Variants in GLRA3 observed in about 807,000 individuals in gnomAD.
GLRA3 encodes glycine receptor alpha 3, also known as glycine receptor subunit alpha-3.
In GLRA3, 44 loss-of-function variants were observed where a neutral mutation model predicts 60.4. The ratio of observed to expected loss-of-function variants is 0.73; its 90% confidence interval spans 0.57 to 0.94. GLRA3 has a LOEUF of 0.94. GLRA3 is among the 40% of genes least tolerant of loss of function. GLRA3 has a pLI of 0.00. For missense variants in GLRA3, 508 were observed against 564.6 expected (o/e 0.90, Z 1.02); for synonymous variants, 223 against 192.9 (o/e 1.16, Z -1.29).
At chr4:174,798,811 CT>C (rs1239408243) in intron 1 of GLRA3, among the ~76,000 whole-genome samples, 5 of 152,058 alleles carry the variant, frequency 3.3e-5, no homozygotes, top group African/African-American at 4.8e-5. Context: ...GTAGTCCCAG[CT>C]ACTCGGGAGG....
intron 1 of GLRA3, among the ~76,000 whole-genome samples, chr4:174,803,240 C>T (rs1739896556): frequency 1.3e-5 from 2 of 151,942 alleles, no homozygotes; most frequent in African/African-American, 2.4e-5. Flanking sequence ...TGTCTCTTCT[C>T]GTGGGTAATA....
intron 5 of GLRA3, among the ~76,000 whole-genome samples, chr4:174,708,044 G>C (rs1299621905): frequency 6.6e-6 from 1 of 152,114 alleles, no homozygotes; most frequent in Non-Finnish European, 1.5e-5. Context: ...GAGGACTTCT[G>C]TTTTCTAGCT....
chr4:174,685,807 C>T (rs1734535234), intron 5 of GLRA3, among the ~76,000 whole-genome samples: 1 of 152,026 alleles, frequency 6.6e-6, no homozygotes, highest in Non-Finnish European at 1.5e-5. Flanking sequence ...CCAGATAAGA[C>T]ATGTTTCTCA....
At position 174,710,145 on chromosome 4, in the gene GLRA3, C is replaced by A. The variant is rs138995671; in HGVS notation, c.574+5343G>T. Among the ~76,000 whole-genome samples the A allele has an allele frequency of 8.8e-4, 134 of 152,016 alleles. 1 individual carries two copies. Among genetic ancestry groups the A allele is most frequent in the Non-Finnish European group, 1.6e-3 (110 of 67,888 alleles). The stretch of plus-strand genomic sequence containing the variant: ...ACTTGATGATGCTGTCTTTCTCTGG[C>A]TCTCTTTTGGTGGTCGTTTTCTATG... On this transcript the variant is annotated intron_variant, in intron 5 of 9. Coordinates refer to ENST00000274093, the MANE Select transcript of GLRA3 (RefSeq NM_006529.4).
chr4:174,674,816 C>G (rs2110945666), intron 7 of GLRA3, among the ~76,000 whole-genome samples: 1 of 152,244 alleles, frequency 6.6e-6, no homozygotes, highest in Middle Eastern at 3.4e-3. Context: ...AGATTGAGAA[C>G]AGAAGATCTT....
chr4:174,724,297 C>T (rs1312400554), intron 4 of GLRA3, among the ~76,000 whole-genome samples: 1 of 151,748 alleles, frequency 6.6e-6, no homozygotes, highest in East Asian at 1.9e-4. Flanking sequence ...TGTACACATA[C>T]ATATGTAATT....
In GLRA3 at chr4:174,711,349, T is replaced by C. The variant is rs1489015648; in HGVS notation, c.574+4139A>G. ...TGTACAATCCAGTAAATTGTTGATT[T>C]ATCTGTTTTTTATGCAGTTCATCCT... On this transcript the variant is annotated intron_variant, in intron 5 of 9. Coordinates refer to ENST00000274093, the MANE Select transcript of GLRA3 (RefSeq NM_006529.4). Among the ~76,000 whole-genome samples, 3 of 151,364 alleles carry C rather than the reference T, an allele frequency of 2.0e-5. No homozygotes were observed. The East Asian group carries it at 5.8e-4, about 29-fold the overall frequency.
intron 1 of GLRA3, among the ~76,000 whole-genome samples, chr4:174,827,787 A>G (rs1741037492): frequency 6.6e-6 from 1 of 152,092 alleles, no homozygotes; most frequent in African/African-American, 2.4e-5. Flanking sequence ...AAAAATCGAC[A>G]TAGCAATAAA....
intron 3 of GLRA3, among the ~76,000 whole-genome samples, chr4:174,758,942 G>T (rs924505429): frequency 2.6e-5 from 4 of 152,074 alleles, no homozygotes; most frequent in Non-Finnish European, 5.9e-5. Flanking sequence ...ATGGATTAGA[G>T]CACTTAATAC....
intron 6 of GLRA3, among the ~76,000 whole-genome samples, chr4:174,679,770 A>G (rs1734272236): frequency 6.6e-6 from 1 of 152,218 alleles, no homozygotes; most frequent in South Asian, 2.1e-4. Context: ...GCATAGAAAG[A>G]CAATATCACA....
chr4:174,707,304 G>T (rs1326762028), intron 5 of GLRA3, among the ~76,000 whole-genome samples: 1 of 152,098 alleles, frequency 6.6e-6, no homozygotes, highest in African/African-American at 2.4e-5. Context: ...TAGAATTATG[G>T]ACTAAAACTA....
intron 5 of GLRA3, among the ~76,000 whole-genome samples, chr4:174,696,008 A>T (rs1013061630): frequency 2.0e-5 from 3 of 152,142 alleles, no homozygotes; most frequent in Admixed American, 6.5e-5. Flanking sequence ...AAATAATAAA[A>T]TAATAAAATA....
At chr4:174,767,109 T>C (rs759461819) in intron 2 of GLRA3, 79 bp from the exon 3 acceptor site, 20 of 746,114 alleles carry the variant, frequency 2.7e-5, no homozygotes, top group Non-Finnish European at 3.6e-5. Context: ...CATTCCATTA[T>C]TATTATTCCA....
intron 5 of GLRA3, among the ~76,000 whole-genome samples, chr4:174,703,206 T>C (rs1561065965): frequency 6.6e-6 from 1 of 152,168 alleles, no homozygotes; most frequent in African/African-American, 2.4e-5. Context: ...ATCCTCTGGA[T>C]TGAGAGTGGA....
At chr4:174,645,088 A>G (rs1023586781) in intron 9 of GLRA3, among the ~76,000 whole-genome samples, 1 of 152,050 alleles carries the variant, frequency 6.6e-6, no homozygotes, top group East Asian at 1.9e-4. Flanking sequence ...TTTTCATAAT[A>G]ATATAAAAGA....
chr4:174,752,341 C>G (rs1340982299), intron 3 of GLRA3, among the ~76,000 whole-genome samples: 1 of 152,076 alleles, frequency 6.6e-6, no homozygotes, highest in Non-Finnish European at 1.5e-5. Flanking sequence ...AAAGTGACTT[C>G]CATCAGGGAA....
intron 1 of GLRA3, among the ~76,000 whole-genome samples, chr4:174,792,076 C>T (rs66478236): frequency 0.27 from 40,327 of 152,002 alleles, 5,672 homozygotes; most frequent in Middle Eastern, 0.31. Flanking sequence ...GTTGATTACT[C>T]TGGACTTTAC....
chr4:174,757,673 A>G (rs1737773520), intron 3 of GLRA3, among the ~76,000 whole-genome samples: 2 of 152,230 alleles, frequency 1.3e-5, no homozygotes, highest in Admixed American at 1.3e-4. Flanking sequence ...TTATTGTATA[A>G]ATAAAAAATG....
chr4:174,748,537 T>C (rs1737336912), intron 3 of GLRA3, among the ~76,000 whole-genome samples: 1 of 152,140 alleles, frequency 6.6e-6, no homozygotes, highest in South Asian at 2.1e-4. Context: ...AGAGTTGAAA[T>C]ACATTGAGTG....
Sources: allele counts gnomAD v4.1 joint callset (sites outside exome capture counted in the v4.1 genomes callset), GRCh38; gene constraint gnomAD v4.1.1; transcripts MANE v1.5; gene names NCBI Gene and HGNC (gene_info 2026-07-23, HGNC 2026-07-21).